The following CRACDL variants were observed in gnomAD, a reference collection of about 807,000 sequenced individuals.
The protein encoded by CRACDL is CRACD like.
A neutral mutation model predicts 70.6 loss-of-function variants in CRACDL; 26 were observed. The observed-to-expected ratio is 0.37, with a 90% CI of 0.27 to 0.51. The LOEUF (loss-of-function observed/expected upper bound fraction) is 0.51, where lower values mean the gene tolerates loss of function less well. Ranked by LOEUF, CRACDL falls within the 20% of genes least tolerant of loss-of-function variation. The probability of loss-of-function intolerance (pLI) is 0.94; values close to 1 mark genes in which losing one functional copy is unlikely to be tolerated. For synonymous variants in CRACDL, 618 were observed against 615.2 expected, an observed-to-expected ratio of 1.00 and a Z score of -0.07; for missense variants, 1,283 against 1,376.9, an observed-to-expected ratio of 0.93 and a Z score of 1.08.
intron 1 of CRACDL, among the ~76,000 whole-genome samples, chr2:98,926,608 T>A (rs181331098): frequency 1.3e-5 from 2 of 152,306 alleles, no homozygotes; most frequent in East Asian, 3.9e-4. Context: ...CTCAGCAATG[T>A]TCTCGCTGAA....
intron 1 of CRACDL, among the ~76,000 whole-genome samples, chr2:98,858,650 G>A (rs1260140004): frequency 1.3e-5 from 2 of 151,618 alleles, no homozygotes; most frequent in Admixed American, 1.3e-4. Context: ...TGAGCAAAAG[G>A]TAATAAAATA....
At chr2:98,832,711 C>T (rs2280256) in intron 4 of CRACDL, 151 bp downstream of exon 4, 459,365 of 1,098,736 alleles carry the variant, frequency 0.42, 99,251 homozygotes, top group African/African-American at 0.66. Flanking sequence ...CGAGATCCCA[C>T]TGCAGCTCAT....
intron 1 of CRACDL, among the ~76,000 whole-genome samples, chr2:98,873,840 T>C (rs1166106563): frequency 2.0e-5 from 3 of 152,150 alleles, no homozygotes; most frequent in Admixed American, 6.5e-5. Flanking sequence ...ACCCCATCTC[T>C]ACTAAAAATA....
intron 7 of CRACDL, among the ~76,000 whole-genome samples, chr2:98,814,742 C>T (rs1487089810): frequency 1.3e-5 from 2 of 152,120 alleles, no homozygotes; most frequent in Non-Finnish European, 2.9e-5. Flanking sequence ...TTTCTACCTG[C>T]TACTTTTCTT....
intron 1 of CRACDL, among the ~76,000 whole-genome samples, chr2:98,864,243 A>C (rs1346993152): frequency 6.6e-6 from 1 of 152,242 alleles, no homozygotes; most frequent in Non-Finnish European, 1.5e-5. Context: ...GGAATAAAGT[A>C]ATGATATATG....
intron 1 of CRACDL, among the ~76,000 whole-genome samples, chr2:98,919,488 G>C (rs1005799001): frequency 6.6e-6 from 1 of 151,912 alleles, no homozygotes; most frequent in African/African-American, 2.4e-5. Flanking sequence ...TCTGTCTCTG[G>C]TATCATGTGT....
intron 1 of CRACDL, among the ~76,000 whole-genome samples, chr2:98,848,001 GT>G (rs61664419): frequency 0.037 from 5,672 of 152,214 alleles, 185 homozygotes; most frequent in South Asian, 0.16. Flanking sequence ...AGCTCTCAAT[GT>G]TCATACAATT....
chr2:98,884,257 A>G (rs1558622114), intron 1 of CRACDL, among the ~76,000 whole-genome samples: 1 of 152,172 alleles, frequency 6.6e-6, no homozygotes, highest in African/African-American at 2.4e-5. Context: ...CACTGGCCAA[A>G]TAACTCAGGG....
intron 1 of CRACDL, among the ~76,000 whole-genome samples, chr2:98,896,105 C>A (rs901123138): frequency 1.3e-5 from 2 of 152,082 alleles, no homozygotes; most frequent in African/African-American, 4.8e-5. Flanking sequence ...GGGGCTGTGG[C>A]AGGAGGGCTG....
chr2:98,830,582 CCTTT>C (rs1262752462), intron 5 of CRACDL, among the ~76,000 whole-genome samples: 1 of 152,156 alleles, frequency 6.6e-6, no homozygotes, highest in African/African-American at 2.4e-5. Context: ...CTAAAGATTA[CCTTT>C]CTGTTTTTAA....
intron 9 of CRACDL, among the ~76,000 whole-genome samples, chr2:98,795,077 A>ATATATATATATTT: frequency 8.5e-5 from 5 of 58,490 alleles, no homozygotes; most frequent in African/African-American, 3.3e-4. Context: ...ATATATATAT[A>ATATATATATATTT]TTTTTTTTTT....
intron 7 of CRACDL, among the ~76,000 whole-genome samples, chr2:98,819,903 T>C (rs1427193458): frequency 7.4e-6 from 1 of 134,274 alleles, no homozygotes. Flanking sequence ...CACTGCAACC[T>C]CCGCCTCCTG....
At chr2:98,869,581 A>G (rs1465235919) in intron 1 of CRACDL, among the ~76,000 whole-genome samples, 2 of 152,218 alleles carry the variant, frequency 1.3e-5, no homozygotes, top group Non-Finnish European at 2.9e-5. Context: ...GGCAGGGCCC[A>G]GGAAGAAAGA....
chr2:98,877,968 A>T (rs1483429110), intron 1 of CRACDL, among the ~76,000 whole-genome samples: 5 of 136,334 alleles, frequency 3.7e-5, no homozygotes, highest in Non-Finnish European at 7.9e-5. Flanking sequence ...TTTTTTTGAG[A>T]TGGAGTTTCA....
Position 98,860,064 on chromosome 2 carries a change from C to T in CRACDL, c.-10-13254G>A, listed in dbSNP as rs140063622. 1.0e-3 allele frequency among the ~76,000 whole-genome samples: 159 copies of T among 151,964 alleles called. 1 individual carries two copies. The highest frequency in any genetic ancestry group is 4.0e-3 in the South Asian group (19 of 4,796). ...CAAACAACTGCATTTAAAATACTAT[C>T]CAAAAGAACAAAATAGGAGTAAGTT... On this transcript the variant is annotated intron_variant, in intron 1 of 9. Transcript: ENST00000397899.
Position 98,822,035 on chromosome 2 carries a change from T to C in CRACDL, c.2238A>G (p.Gly746=). Residue 746 remains glycine (G), a synonymous_variant, in exon 7 of 10, where the codon GGA becomes GGG. Coordinates refer to ENST00000397899, the MANE Select transcript of CRACDL (RefSeq NM_207362.3). This position sits in a 1 kb window ranked among gnomAD's most constrained non-coding sequence, Gnocchi z 4.9. ...GCTCGGGGGGCCGGGCCTTCCCCTT[T>C]CCTTGGTCGCTGGGGGCCCTGGTGC... ...LRGTRAPSDQ[G]KGKARPPEPL... is the part of the protein sequence containing the mutation. 1.3e-6 allele frequency: 2 copies of C among 1,543,944 alleles called. No homozygotes were observed. Among genetic ancestry groups the C allele is most frequent in the South Asian group, 2.4e-5 (2 of 83,724 alleles).
intron 1 of CRACDL, among the ~76,000 whole-genome samples, chr2:98,892,544 G>C (rs1368194340): frequency 2.0e-5 from 3 of 151,852 alleles, no homozygotes; most frequent in Admixed American, 2.0e-4. Context: ...ACAAAAATTA[G>C]CCGGGTGTGG....
At chr2:98,908,166 A>T (rs1708460591) in intron 1 of CRACDL, among the ~76,000 whole-genome samples, 1 of 152,214 alleles carries the variant, frequency 6.6e-6, no homozygotes, top group Non-Finnish European at 1.5e-5. Flanking sequence ...AGCTCCTTTC[A>T]TGTTCAAAGC....
chr2:98,802,534 C>T (rs1704121450), intron 7 of CRACDL, among the ~76,000 whole-genome samples: 1 of 152,242 alleles, frequency 6.6e-6, no homozygotes. Flanking sequence ...AATGTTAAAC[C>T]ATTTCTAGAG....
Sources: gnomAD v4.1 joint callset for allele counts (sites outside exome capture counted in the v4.1 genomes callset) on GRCh38, gnomAD v4.1.1 for gene constraint, Gnocchi (gnomAD v3.1) non-coding constraint, MANE v1.5 for transcripts, NCBI Gene and HGNC (gene_info 2026-07-23, HGNC 2026-07-21) for gene names.